Variants in DCP1A observed in about 807,000 individuals in gnomAD.
DCP1A encodes decapping mRNA 1A, also known as mRNA-decapping enzyme 1A.
Under a neutral mutation model 58.0 loss-of-function variants are expected in DCP1A, and 20 were observed. The observed-to-expected ratio is 0.34, with a 90% CI of 0.24 to 0.50. The LOEUF is 0.50. Among genes scored for constraint, DCP1A ranks in the 20% least tolerant of loss-of-function variants. The pLI, the probability that DCP1A is intolerant of heterozygous loss-of-function variation, is 0.98. For synonymous variants in DCP1A, 285 were observed against 275.1 expected (o/e 1.04, Z -0.36); for missense variants, 613 against 712.2 (o/e 0.86, Z 1.59).
In DCP1A at chr3:53,334,688, T is replaced by A. The variant is rs139552500; in HGVS notation, c.304+7456A>T. 4.6e-5 allele frequency among the ~76,000 whole-genome samples: 7 copies of A among 152,312 alleles called. No homozygotes were observed. The East Asian group carries it at 1.3e-3, about 29-fold the overall frequency. On this transcript the variant is annotated intron_variant, in intron 3 of 9. Coordinates refer to ENST00000610213, the MANE Select transcript of DCP1A (RefSeq NM_018403.7). ...TACCACAAGCCTGCATCTTAATATT[T>A]TCAATTAATCATGTTATACTGTGGA... is the stretch of plus-strand genomic sequence containing the variant.
At chr3:53,307,459 C>T (rs1302291484) in intron 5 of DCP1A, among the ~76,000 whole-genome samples, 20 of 152,320 alleles carry the variant, frequency 1.3e-4, no homozygotes, top group African/African-American at 4.8e-4. Flanking sequence ...TTCAGTTCCA[C>T]CCGGCCTGCT....
At chr3:53,338,477 C>G (rs782393858) in intron 3 of DCP1A, among the ~76,000 whole-genome samples, 4 of 152,080 alleles carry the variant, frequency 2.6e-5, no homozygotes, top group Non-Finnish European at 4.4e-5. Flanking sequence ...AATCACCAAG[C>G]CTAAGCCCTT....
At position 53,286,150 on chromosome 3, in the gene DCP1A, T is replaced by C. The variant is rs1706626208; in HGVS notation, c.*1430A>G. 6.6e-6 allele frequency: 1 copy of C among 152,224 alleles called. No individual in the cohort carries two copies. The highest frequency in any genetic ancestry group is 2.4e-5 in the African/African-American group (1 of 41,456). 9.4% of individuals were successfully genotyped at this position (152,224 alleles called of 1,614,324 possible). On this transcript the variant is annotated 3_prime_UTR_variant, in exon 10 of 10. Coordinates refer to ENST00000610213, the MANE Select transcript of DCP1A (RefSeq NM_018403.7). ...ATTTTAGCTAGAAAAAAATAATCTA[T>C]GGACTTATGATTGAGTTACCATTAA... is the stretch of plus-strand genomic sequence containing the variant.
At chr3:53,320,610 A>G (rs1160399780) in intron 3 of DCP1A, among the ~76,000 whole-genome samples, 1 of 152,212 alleles carries the variant, frequency 6.6e-6, no homozygotes, top group Non-Finnish European at 1.5e-5. Flanking sequence ...AACTGTAAAG[A>G]ACAGACAGAT....
At chr3:53,338,860 C>CAAA (rs35824245) in intron 3 of DCP1A, among the ~76,000 whole-genome samples, 4,383 of 108,080 alleles carry the variant, frequency 0.041, 136 homozygotes, top group Non-Finnish European at 0.059. Context: ...GGCTCCGTCT[C>CAAA]AAAAAAAAAA....
chr3:53,309,991 C>A (rs1707596726), intron 5 of DCP1A, among the ~76,000 whole-genome samples: 1 of 152,330 alleles, frequency 6.6e-6, no homozygotes, highest in South Asian at 2.1e-4. Context: ...CATCCAAACA[C>A]CAAGACCCAT....
At position 53,292,438 on chromosome 3, in the gene DCP1A, G is replaced by A. The variant is rs1706927374; in HGVS notation, c.1014C>T (p.Asn338=). The change falls in exon 7 of 10, where the codon AAC becomes AAT. Residue 338 remains asparagine, a synonymous_variant. Coordinates refer to ENST00000610213, the MANE Select transcript of DCP1A (RefSeq NM_018403.7). ...TAQVPPSLPR[N]STMMQAVKTT... is the part of the protein sequence containing the mutation. ...TCTTCACTGCCTGCATCATGGTGCT[G>A]TTTCGAGGTAAGCTGGGGGGAACCT... 1.2e-6 allele frequency: 2 copies of A among 1,613,996 alleles called. No individual in the cohort carries two copies. The highest frequency in any genetic ancestry group is 2.2e-5 in the East Asian group (1 of 44,878).
At chr3:53,321,380 C>A (rs1707961808) in intron 3 of DCP1A, among the ~76,000 whole-genome samples, 1 of 152,256 alleles carries the variant, frequency 6.6e-6, no homozygotes, top group South Asian at 2.1e-4. Context: ...GACTAAGTAA[C>A]TTATTAACAA....
In DCP1A at chr3:53,318,970, C is replaced by T. The variant is rs575841032; in HGVS notation, c.371+437G>A. Among the ~76,000 whole-genome samples, 10 of 152,234 alleles carry T rather than the reference C, an allele frequency of 6.6e-5. No individual in the cohort carries two copies. In the East Asian group the frequency reaches 1.5e-3, roughly 23 times the overall value. On this transcript the variant is annotated intron_variant, in intron 4 of 9. Transcript: ENST00000610213. ...ACCTGATGCAGATATCCTCTGGAGCCGGGCAGTTTGGCAGCCTTAACCTAC... is the reference window on the plus strand; with the variant it reads ...ACCTGATGCAGATATCCTCTGGAGCTGGGCAGTTTGGCAGCCTTAACCTAC...
chr3:53,328,281 A>C (rs1553690878), intron 3 of DCP1A, among the ~76,000 whole-genome samples: 1 of 152,202 alleles, frequency 6.6e-6, no homozygotes, highest in African/African-American at 2.4e-5. Context: ...CGCTTAGACT[A>C]GCGGTTACTC....
In DCP1A at chr3:53,284,504, T is replaced by C. The variant is rs1221527517; in HGVS notation, c.*3076A>G. On this transcript the variant is annotated 3_prime_UTR_variant, in exon 10 of 10. Coordinates refer to ENST00000610213, the MANE Select transcript of DCP1A (RefSeq NM_018403.7). ...ACTAAACTAAGCCTGTGTGTCCCCC[T>C]GTAGAGAGGGGCCCAGCGTGACTTT... The C allele has an allele frequency of 6.8e-6, 1 of 146,608 alleles. No individual in the cohort carries two copies. Among genetic ancestry groups the C allele is most frequent in the Non-Finnish European group, 1.5e-5 (1 of 66,794 alleles). 9.1% of individuals were successfully genotyped at this position (146,608 alleles called of 1,614,324 possible). A position where few individuals can be genotyped will look rare whatever the true frequency, so the allele number is the denominator to read the frequency against.
chr3:53,301,596 C>CATTT (rs1264858191), intron 6 of DCP1A, among the ~76,000 whole-genome samples: 1 of 152,120 alleles, frequency 6.6e-6, no homozygotes, highest in African/African-American at 2.4e-5. Context: ...CACTCCTGGG[C>CATTT]ATTTATCTCA....
rs200194910 is a variant in DCP1A, at chr3:53,326,176, ACTC to A, written c.305-6706_305-6704del. Among the ~76,000 whole-genome samples, 966 of 152,210 alleles carry A rather than the reference ACTC, an allele frequency of 6.3e-3. 8 individuals carry two copies. The highest frequency in any genetic ancestry group is 0.022 in the African/African-American group (908 of 41,522). On this transcript the variant is annotated intron_variant, in intron 3 of 9. Coordinates refer to ENST00000610213, the MANE Select transcript of DCP1A (RefSeq NM_018403.7). ...AAATCTGAATATATTAACCCGAAAT[ACTC>A]CTTCCACAATCCCATTAACATTATA...
chr3:53,336,752 T>C (rs1553691977), intron 3 of DCP1A, among the ~76,000 whole-genome samples: 1 of 152,244 alleles, frequency 6.6e-6, no homozygotes, highest in East Asian at 1.9e-4. Context: ...GAAATGATAC[T>C]AAATGAATGG....
At chr3:53,318,374 T>C (rs1707872218) in intron 4 of DCP1A, among the ~76,000 whole-genome samples, 1 of 152,124 alleles carries the variant, frequency 6.6e-6, no homozygotes, top group Non-Finnish European at 1.5e-5. Flanking sequence ...TTTAAGATTA[T>C]TTTCTTTTAA....
chr3:53,292,708 A>T lies in DCP1A; in HGVS notation c.744T>A (p.Asp248Glu), dbSNP rs375268167. ...ATGAATTGGGCTCTTTCTGGGAGGC[A>T]TCTCCTGGCAACCTCTCCATTTCTT... is the stretch of plus-strand genomic sequence containing the variant. Reference protein sequence around the residue: ...DSEEMERLPGDASQKEPNSFL... With the variant: ...DSEEMERLPGEASQKEPNSFL... Residue 248 changes from aspartate to glutamate, a missense_variant, in exon 7 of 10, where the codon GAT (aspartate) becomes GAA (glutamate). Coordinates refer to ENST00000610213, the MANE Select transcript of DCP1A (RefSeq NM_018403.7). 4.7e-5 allele frequency: 76 copies of T among 1,613,798 alleles called. No individual in the cohort carries two copies. The highest frequency in any genetic ancestry group is 6.2e-5 in the Non-Finnish European group (73 of 1,179,896).
At position 53,300,860 on chromosome 3, in the gene DCP1A, CT is replaced by C. The variant is rs1297691061; in HGVS notation, c.624+3316del. ...ACAGGGTTTCACCATGTTGGCCAGG[CT>C]GTTCTCAAACTCCTGGACTCAAGGG... On this transcript the variant is annotated intron_variant, in intron 6 of 9. Transcript: ENST00000610213. Among the ~76,000 whole-genome samples, 19 of 152,240 alleles carry C rather than the reference CT, an allele frequency of 1.2e-4. No individual in the cohort carries two copies. In the South Asian group the frequency reaches 3.9e-3, roughly 32 times the overall value.
rs562451758 is a variant in DCP1A, at chr3:53,336,563, A to G, written c.304+5581T>C. Among the ~76,000 whole-genome samples, 55 of 152,276 alleles carry G rather than the reference A, an allele frequency of 3.6e-4. No homozygotes were observed. In the South Asian group the frequency reaches 0.011, roughly 32 times the overall value. ...TTATATGCTACCTTTCATTCACTGC[A>G]AAGTATTTCCTTGTATATTTAGTAA... is the stretch of plus-strand genomic sequence containing the variant. On this transcript the variant is annotated intron_variant, in intron 3 of 9. Coordinates refer to ENST00000610213, the MANE Select transcript of DCP1A (RefSeq NM_018403.7).
chr3:53,342,335 C>G, intron 2 of DCP1A, 64 bp from the exon 3 acceptor site: 2 of 1,182,480 alleles, frequency 1.7e-6, no homozygotes, highest in Non-Finnish European at 1.2e-6. Flanking sequence ...ATGTTATCTA[C>G]TATGTACTTT....
Sources: gnomAD v4.1 joint callset for allele counts (sites outside exome capture counted in the v4.1 genomes callset) on GRCh38, gnomAD v4.1.1 for gene constraint, MANE v1.5 for transcripts, NCBI Gene and HGNC (gene_info 2026-07-23, HGNC 2026-07-21) for gene names.